Variants in SLC2A13 observed in about 807,000 individuals in gnomAD.
The protein encoded by SLC2A13 is proton myo-inositol cotransporter.
Under a neutral mutation model 64.4 loss-of-function variants are expected in SLC2A13, and 32 were observed. That is an observed-to-expected ratio of 0.50 (90% confidence interval 0.37 to 0.67). The LOEUF is 0.67. SLC2A13 is among the 30% of genes least tolerant of loss of function. SLC2A13 has a pLI of 0.00. For synonymous variants in SLC2A13, 338 were observed against 327.1 expected, an observed-to-expected ratio of 1.03 and a Z score of -0.36; for missense variants, 743 against 829.2, an observed-to-expected ratio of 0.90 and a Z score of 1.28.
intron 3 of SLC2A13, among the ~76,000 whole-genome samples, chr12:40,009,557 G>C (rs1405838806): frequency 1.3e-5 from 2 of 152,132 alleles, no homozygotes; most frequent in Admixed American, 1.3e-4. Flanking sequence ...AGCCACCCGA[G>C]TATCTGGGGC....
At chr12:40,087,681 C>T (rs28365173) in intron 1 of SLC2A13, among the ~76,000 whole-genome samples, 4,297 of 152,214 alleles carry the variant, frequency 0.028, 176 homozygotes, top group Admixed American at 0.11. Context: ...ACTCTTACCT[C>T]ATAAGAGACC....
At chr12:39,972,207 C>G (rs1231474591) in intron 3 of SLC2A13, among the ~76,000 whole-genome samples, 2 of 139,598 alleles carry the variant, frequency 1.4e-5, no homozygotes, top group African/African-American at 5.3e-5. Context: ...CACTGATGGT[C>G]AATTGTTATC....
Position 39,757,356 on chromosome 12 carries a change from AT to A in SLC2A13, c.*2669del, listed in dbSNP as rs1939996837. The A allele has an allele frequency of 6.6e-6, 1 of 151,904 alleles. No individual in the cohort carries two copies. Among genetic ancestry groups the A allele is most frequent in the Non-Finnish European group, 1.5e-5 (1 of 67,752 alleles). The allele number at this position is 151,904 out of a possible 1,614,324, so 9.4% of individuals were successfully genotyped here. On this transcript the variant is annotated 3_prime_UTR_variant, in exon 10 of 10. Transcript: ENST00000280871. ...ATATAAATTGTCCTACAAAATATAT[AT>A]TTGATGATACTACAAATGGAATGTT...
chr12:39,915,261 GTAATTACATTGCTAATATCAAATTTTCA>G (rs899292574), intron 4 of SLC2A13, among the ~76,000 whole-genome samples: 1 of 151,914 alleles, frequency 6.6e-6, no homozygotes, highest in African/African-American at 2.4e-5. Flanking sequence ...TTGTAACACT[GTAATTACATTGCTAATATCAAATTTTCA>G]TAATTACATA....
intron 3 of SLC2A13, among the ~76,000 whole-genome samples, chr12:39,964,872 T>A (rs1027108233): frequency 9.2e-5 from 14 of 152,146 alleles, no homozygotes; most frequent in African/African-American, 3.4e-4. Flanking sequence ...GAACCTGCTT[T>A]CAGTTAGTAA....
chr12:39,809,179 C>G (rs780935905), intron 7 of SLC2A13, among the ~76,000 whole-genome samples: 26 of 152,114 alleles, frequency 1.7e-4, no homozygotes, highest in Middle Eastern at 3.2e-3. Flanking sequence ...ACTATTCTTT[C>G]CCCATTGGAT....
intron 3 of SLC2A13, among the ~76,000 whole-genome samples, chr12:40,012,196 G>A (rs539962004): frequency 6.6e-6 from 1 of 152,228 alleles, no homozygotes; most frequent in East Asian, 1.9e-4. Flanking sequence ...TTTATCAACA[G>A]AAACCTACTA....
At chr12:39,967,825 C>G (rs755409168) in intron 3 of SLC2A13, among the ~76,000 whole-genome samples, 10 of 152,056 alleles carry the variant, frequency 6.6e-5, no homozygotes, top group South Asian at 2.1e-4. Flanking sequence ...GTAAAGGTAG[C>G]AAGGCAAGCT....
chr12:39,924,804 G>T (rs1435962170), intron 4 of SLC2A13, among the ~76,000 whole-genome samples: 1 of 151,900 alleles, frequency 6.6e-6, no homozygotes, highest in Non-Finnish European at 1.5e-5. Context: ...TTTGTGTTTT[G>T]CATGACAGAA....
At chr12:39,921,067 C>T (rs540162061) in intron 4 of SLC2A13, among the ~76,000 whole-genome samples, 18 of 152,102 alleles carry the variant, frequency 1.2e-4, no homozygotes, top group African/African-American at 4.3e-4. Flanking sequence ...CTAAAATGTA[C>T]AAACAAAATT....
intron 7 of SLC2A13, among the ~76,000 whole-genome samples, chr12:39,780,287 C>T (rs1940935192): frequency 6.6e-6 from 1 of 152,182 alleles, no homozygotes; most frequent in African/African-American, 2.4e-5. Flanking sequence ...GTCTCTTTCT[C>T]CTTCAACATA....
At position 39,757,882 on chromosome 12, in the gene SLC2A13, G is replaced by T. The variant is rs900976405; in HGVS notation, c.*2144C>A. The T allele has an allele frequency of 1.3e-5, 2 of 152,136 alleles. No individual in the cohort carries two copies. Among genetic ancestry groups the T allele is most frequent in the African/African-American group, 2.4e-5 (1 of 41,362 alleles). The allele number at this position is 152,136 out of a possible 1,614,324, so 9.4% of individuals were successfully genotyped here. A position where few individuals can be genotyped will look rare whatever the true frequency, so the allele number is the denominator to read the frequency against. On this transcript the variant is annotated 3_prime_UTR_variant, in exon 10 of 10. Coordinates refer to ENST00000280871, the MANE Select transcript of SLC2A13 (RefSeq NM_052885.4). ...AAGGCTACATATACAATAAAGAGAA[G>T]GATTGAGGCAATTATTTTGATTAAG...
chr12:39,790,754 C>G (rs1175705503), intron 7 of SLC2A13, among the ~76,000 whole-genome samples: 1 of 79,158 alleles, frequency 1.3e-5, no homozygotes, highest in African/African-American at 4.9e-5. Context: ...ATGGCTGGGT[C>G]AAATGGTATT....
chr12:39,793,428 A>G (rs1209760111), intron 7 of SLC2A13, among the ~76,000 whole-genome samples: 4 of 152,192 alleles, frequency 2.6e-5, no homozygotes, highest in Admixed American at 1.3e-4. Context: ...TGTAAGTCCA[A>G]TAAAAATCTT....
chr12:40,056,223 A>T (rs1948331355), intron 1 of SLC2A13, among the ~76,000 whole-genome samples: 1 of 152,072 alleles, frequency 6.6e-6, no homozygotes, highest in East Asian at 1.9e-4. Flanking sequence ...AGATACTGGA[A>T]ATAAGTTCTG....
At chr12:39,829,419 T>TTTTTTTTTTTG in intron 7 of SLC2A13, 1 of 125,716 alleles carries the variant, frequency 8.0e-6, no homozygotes, top group Non-Finnish European at 1.7e-5. Context: ...TTTTTTTCTT[T>TTTTTTTTTTTG]TTTTTGAGGC....
At chr12:39,805,381 G>A (rs890778161) in intron 7 of SLC2A13, among the ~76,000 whole-genome samples, 1 of 152,118 alleles carries the variant, frequency 6.6e-6, no homozygotes, top group Non-Finnish European at 1.5e-5. Context: ...GGGGTGGCTG[G>A]AGCAGGTGTA....
At chr12:39,770,562 G>A (rs947407932) in intron 7 of SLC2A13, among the ~76,000 whole-genome samples, 1 of 152,144 alleles carries the variant, frequency 6.6e-6, no homozygotes, top group Non-Finnish European at 1.5e-5. Context: ...CCTGTTTCCT[G>A]ATCTGTGAGA....
chr12:40,053,152 C>T (rs2136242596), intron 1 of SLC2A13, among the ~76,000 whole-genome samples: 1 of 151,886 alleles, frequency 6.6e-6, no homozygotes, highest in South Asian at 2.1e-4. Context: ...CATGGTGGCA[C>T]ATGCCTGTAA....
Sources: allele counts gnomAD v4.1 joint callset (sites outside exome capture counted in the v4.1 genomes callset), GRCh38; gene constraint gnomAD v4.1.1; transcripts MANE v1.5; gene names NCBI Gene and HGNC (gene_info 2026-07-23, HGNC 2026-07-21).